Variants in ERO1B observed in about 807,000 individuals in gnomAD.
ERO1B encodes ERO1-like protein beta.
A neutral mutation model predicts 75.3 loss-of-function variants in ERO1B; 49 were observed. The ratio of observed to expected loss-of-function variants is 0.65; its 90% CI spans 0.52 to 0.83. The LOEUF is 0.83. Among genes scored for constraint, ERO1B ranks in the 40% least tolerant of loss-of-function variants. ERO1B has a pLI of 0.00. For synonymous variants in ERO1B, 191 were observed against 192.9 expected, an observed-to-expected ratio of 0.99 and a Z score of 0.08; for missense variants, 512 against 560.1, an observed-to-expected ratio of 0.91 and a Z score of 0.87.
chr1:236,262,268 G>A (rs1456048229), intron 2 of ERO1B, among the ~76,000 whole-genome samples: 1 of 152,164 alleles, frequency 6.6e-6, no homozygotes, highest in Non-Finnish European at 1.5e-5. Flanking sequence ...ATAAAGTGTT[G>A]GGAAAACTGG....
At position 236,230,217 on chromosome 1, in the gene ERO1B, T is replaced by C; in HGVS notation, c.712+7A>G. On this transcript the variant is annotated splice_region_variant and intron_variant, in intron 10 of 15. Coordinates refer to ENST00000354619, the MANE Select transcript of ERO1B (RefSeq NM_019891.4). ...AAAATCCAATAAATTTAGAACAGAC[T>C]GTTTACCTTCTAGCCATGTGTAGAA... The C allele has an allele frequency of 2.5e-6, 4 of 1,589,184 alleles. No homozygotes were observed. The highest frequency in any genetic ancestry group is 3.4e-6 in the Non-Finnish European group (4 of 1,160,510).
chr1:236,265,923 A>G (rs1665423875), intron 2 of ERO1B, among the ~76,000 whole-genome samples: 1 of 152,214 alleles, frequency 6.6e-6, no homozygotes, highest in South Asian at 2.1e-4. Context: ...CAAATGTTAC[A>G]TTAGCATAAA....
chr1:236,232,799 T>C, intron 9 of ERO1B, 29 bp downstream of exon 9: 1 of 1,590,614 alleles, frequency 6.3e-7, no homozygotes, highest in South Asian at 1.2e-5. Context: ...CCTCCACACT[T>C]GAAACAAACA....
At chr1:236,230,870 G>T (rs980685035) in intron 9 of ERO1B, among the ~76,000 whole-genome samples, 4 of 151,654 alleles carry the variant, frequency 2.6e-5, no homozygotes, top group African/African-American at 9.7e-5. Flanking sequence ...TGAGGGGGAA[G>T]GATTGCTTGA....
intron 4 of ERO1B, 25 bp from the exon 5 acceptor site, chr1:236,249,992 T>TA: frequency 6.8e-7 from 1 of 1,460,326 alleles, no homozygotes; most frequent in Non-Finnish European, 9.4e-7. Flanking sequence ...GTAAGTTTAG[T>TA]AAAAATTATT....
At chr1:236,258,819 G>A (rs1665226578) in intron 2 of ERO1B, among the ~76,000 whole-genome samples, 1 of 152,160 alleles carries the variant, frequency 6.6e-6, no homozygotes, top group African/African-American at 2.4e-5. Flanking sequence ...AACTTGGGAG[G>A]CGGACGTTGC....
chr1:236,230,252 T>C lies in ERO1B; in HGVS notation c.686-2A>G, dbSNP rs1192367587. 5 of 1,591,392 alleles carry C rather than the reference T, an allele frequency of 3.1e-6. No homozygotes were observed. In the Admixed American group the frequency reaches 8.4e-5, roughly 27 times the overall value. Reference sequence around the variant, plus strand: ...CTAGCCATGTGTAGAATGATTCTCCTGAGAGAGAGAGAAAAGTGGATTAAA... The same window carrying C: ...CTAGCCATGTGTAGAATGATTCTCCCGAGAGAGAGAGAAAAGTGGATTAAA... On this transcript the variant is annotated splice_acceptor_variant, in intron 9 of 15. Transcript: ENST00000354619. LOFTEE classifies it high-confidence loss of function.
At chr1:236,225,435 C>T (rs954158344) in intron 12 of ERO1B, among the ~76,000 whole-genome samples, 2 of 152,028 alleles carry the variant, frequency 1.3e-5, no homozygotes, top group Non-Finnish European at 2.9e-5. Flanking sequence ...GGCAATATTC[C>T]CTTAATATTC....
chr1:236,223,193 ACT>A (rs1664197209), intron 13 of ERO1B, among the ~76,000 whole-genome samples: 1 of 134,238 alleles, frequency 7.4e-6, no homozygotes. Flanking sequence ...CTAGAGTGAA[ACT>A]CTGTCTCAAA....
intron 2 of ERO1B, among the ~76,000 whole-genome samples, chr1:236,266,145 A>G (rs956215505): frequency 2.0e-5 from 3 of 152,238 alleles, no homozygotes; most frequent in Non-Finnish European, 4.4e-5. Flanking sequence ...ATAGTACCTG[A>G]CACAAACTAA....
chr1:236,249,499 C>T lies in ERO1B; in HGVS notation c.431+386G>A, dbSNP rs187801283. ...GAAAAGTTAACAGAAAAAAAATCTA[C>T]GAAATTTAACAGGCTAATAACTTTT... is the stretch of plus-strand genomic sequence containing the variant. On this transcript the variant is annotated intron_variant, in intron 5 of 15. Transcript: ENST00000354619. Among the ~76,000 whole-genome samples the T allele has an allele frequency of 1.0e-3, 154 of 152,176 alleles. 1 individual carries two copies. Among genetic ancestry groups the T allele is most frequent in the East Asian group, 1.2e-3 (6 of 5,190 alleles).
rs187929664 is a variant in ERO1B, at chr1:236,217,292, T to C, written c.*1224A>G. On this transcript the variant is annotated 3_prime_UTR_variant, in exon 16 of 16. Transcript: ENST00000354619. Reference sequence around the variant, plus strand: ...TGTATCTGCTGACATTTAAAAAAAATCAAGATTTTAAATATTGTCTAAAGA... The same window carrying C: ...TGTATCTGCTGACATTTAAAAAAAACCAAGATTTTAAATATTGTCTAAAGA... 6.6e-6 allele frequency: 1 copy of C among 151,870 alleles called. No individual in the cohort carries two copies. Among genetic ancestry groups the C allele is most frequent in the Admixed American group, 6.6e-5 (1 of 15,222 alleles). The allele number at this position is 151,870 out of a possible 1,614,324, so 9.4% of individuals were successfully genotyped here. A position where few individuals can be genotyped will look rare whatever the true frequency, so the allele number is the denominator to read the frequency against.
chr1:236,216,134 G>A lies in ERO1B; in HGVS notation c.*2382C>T, dbSNP rs918423301. 3.3e-5 allele frequency: 5 copies of A among 151,940 alleles called. No homozygotes were observed. Among genetic ancestry groups the A allele is most frequent in the Non-Finnish European group, 7.4e-5 (5 of 67,954 alleles). The allele number at this position is 151,940 out of a possible 1,614,324, so 9.4% of individuals were successfully genotyped here. ...CCACTTAAGTAAAAAATAAACTTAC[G>A]CCATTGAAGGAAGGAATATTTTCCT... On this transcript the variant is annotated 3_prime_UTR_variant, in exon 16 of 16. Coordinates refer to ENST00000354619, the MANE Select transcript of ERO1B (RefSeq NM_019891.4).
intron 2 of ERO1B, among the ~76,000 whole-genome samples, chr1:236,265,050 T>C (rs200653196): frequency 2.0e-4 from 14 of 71,236 alleles, no homozygotes; most frequent in Non-Finnish European, 3.5e-4. Context: ...TTTTTCTCTT[T>C]TTTTTTTTTT....
At chr1:236,225,237 A>AT in intron 12 of ERO1B, 98 bp from the exon 13 acceptor site, 1 of 1,125,864 alleles carries the variant, frequency 8.9e-7, no homozygotes, top group Non-Finnish European at 1.3e-6. Flanking sequence ...GAATATTTAA[A>AT]ATTCATTATT....
intron 7 of ERO1B, 65 bp from the exon 8 acceptor site, chr1:236,235,900 C>A: frequency 7.1e-7 from 1 of 1,411,080 alleles, no homozygotes; most frequent in South Asian, 1.3e-5. Flanking sequence ...TAATTTTATT[C>A]CAATAGAAAC....
chr1:236,225,300 A>C (rs1166392867), intron 12 of ERO1B, among the ~76,000 whole-genome samples, 161 bp from the exon 13 acceptor site: 1 of 152,242 alleles, frequency 6.6e-6, no homozygotes, highest in Non-Finnish European at 1.5e-5. Flanking sequence ...GTTCACACAT[A>C]AACTATTTCA....
chr1:236,262,136 C>T lies in ERO1B; in HGVS notation c.222+7739G>A, dbSNP rs115517323. On this transcript the variant is annotated intron_variant, in intron 2 of 15. Coordinates refer to ENST00000354619, the MANE Select transcript of ERO1B (RefSeq NM_019891.4). ...CATGGTACTGGCATAAAAATAGACA[C>T]ATCAACCAATGGAACAAGTTAGGAA... Among the ~76,000 whole-genome samples, 955 of 152,262 alleles carry T rather than the reference C, an allele frequency of 6.3e-3. 10 individuals are homozygous for T. Among genetic ancestry groups the T allele is most frequent in the African/African-American group, 0.022 (915 of 41,556 alleles).
intron 5 of ERO1B, among the ~76,000 whole-genome samples, chr1:236,245,456 ATATATATACACACGTATATATATACG>A (rs1420260795): frequency 5.3e-4 from 11 of 20,680 alleles, no homozygotes; most frequent in African/African-American, 1.6e-3. Flanking sequence ...ATATATACGT[ATATATATACACACGTATATATATACG>A]TATATATATA....
Sources: gnomAD v4.1 joint callset for allele counts (sites outside exome capture counted in the v4.1 genomes callset) on GRCh38, gnomAD v4.1.1 for gene constraint, MANE v1.5 for transcripts, NCBI Gene and HGNC (gene_info 2026-07-23, HGNC 2026-07-21) for gene names.